The following TTC17 variants were observed in gnomAD, a reference collection of about 807,000 sequenced individuals.
The protein encoded by TTC17 is tetratricopeptide repeat domain 17, also known as tetratricopeptide repeat protein 17.
TTC17 carries 58 observed loss-of-function variants against 143.8 expected under a neutral mutation model. That is an observed-to-expected ratio of 0.40 (90% confidence interval 0.33 to 0.50). TTC17 has a LOEUF of 0.50. Ranked by LOEUF, TTC17 falls within the 20% of genes least tolerant of loss-of-function variation. The probability of loss-of-function intolerance (pLI) is 0.49; values close to 1 mark genes in which losing one functional copy is unlikely to be tolerated. For synonymous variants in TTC17, 501 were observed against 497.8 expected (o/e 1.01, Z -0.09); for missense variants, 1,273 against 1,392.5 (o/e 0.91, Z 1.37).
chr11:43,463,230 A>C (rs2134799208), intron 21 of TTC17, among the ~76,000 whole-genome samples: 1 of 152,202 alleles, frequency 6.6e-6, no homozygotes, highest in East Asian at 1.9e-4. Flanking sequence ...TCATTCTTTT[A>C]CATGCACAAG....
intron 12 of TTC17, 55 bp from the exon 13 acceptor site, chr11:43,405,731 C>T (rs1217145410): frequency 4.3e-6 from 7 of 1,612,166 alleles, no homozygotes; most frequent in African/African-American, 1.3e-5. Flanking sequence ...AAGTCTTTAT[C>T]TTGAAGTCAC....
chr11:43,451,772 G>A (rs1232144627), intron 21 of TTC17, among the ~76,000 whole-genome samples: 1 of 152,064 alleles, frequency 6.6e-6, no homozygotes, highest in Non-Finnish European at 1.5e-5. Flanking sequence ...GTAAAGAGGA[G>A]GGGTTTTTTA....
Position 43,399,312 on chromosome 11 carries a change from G to A in TTC17, c.1059-576G>A, listed in dbSNP as rs182172492. On this transcript the variant is annotated intron_variant, in intron 8 of 23. Coordinates refer to ENST00000039989, the MANE Select transcript of TTC17 (RefSeq NM_018259.6). ...ATAGAGTTGTTAAATACATAAACTT[G>A]TATATCGTCATGTATTTTTTTATGG... Among the ~76,000 whole-genome samples, 7 of 152,178 alleles carry A rather than the reference G, an allele frequency of 4.6e-5. No homozygotes were observed. In the East Asian group the frequency reaches 1.2e-3, roughly 25 times the overall value.
intron 18 of TTC17, chr11:43,444,624 G>C (rs892456382): frequency 1.3e-5 from 2 of 153,176 alleles, no homozygotes; most frequent in African/African-American, 4.9e-5. Context: ...ATAAGCAGAG[G>C]GTATCAATAT....
intron 16 of TTC17, among the ~76,000 whole-genome samples, chr11:43,416,210 CTG>C (rs570162591): frequency 7.2e-5 from 11 of 151,980 alleles, no homozygotes; most frequent in Non-Finnish European, 1.2e-4. Context: ...TCTCGCAACA[CTG>C]TGGTCTTTTA....
chr11:43,422,865 G>C (rs1946939412), intron 16 of TTC17, among the ~76,000 whole-genome samples: 1 of 152,154 alleles, frequency 6.6e-6, no homozygotes, highest in Non-Finnish European at 1.5e-5. Flanking sequence ...ATGGGATATA[G>C]CTGGAGGGGC....
intron 21 of TTC17, among the ~76,000 whole-genome samples, chr11:43,460,215 C>T (rs1031364066): frequency 2.7e-4 from 41 of 152,050 alleles, no homozygotes; most frequent in Admixed American, 2.4e-3. Context: ...CTAAATTCTG[C>T]TTGAAACTGA....
chr11:43,389,170 A>C (rs1857285950), intron 2 of TTC17, among the ~76,000 whole-genome samples: 1 of 152,038 alleles, frequency 6.6e-6, no homozygotes, highest in Non-Finnish European at 1.5e-5. Flanking sequence ...GGGGGAGATA[A>C]AATATTGGCA....
At chr11:43,484,801 G>A (rs1458919247) in intron 21 of TTC17, among the ~76,000 whole-genome samples, 1 of 152,168 alleles carries the variant, frequency 6.6e-6, no homozygotes, top group East Asian at 1.9e-4. Flanking sequence ...GGCCACGGAT[G>A]GGTACTGGTC....
At position 43,448,036 on chromosome 11, in the gene TTC17, C is replaced by T; in HGVS notation, c.2700C>T (p.Pro900=). 6.2e-7 allele frequency: 1 copy of T among 1,614,112 alleles called. No individual in the cohort carries two copies. The highest frequency in any genetic ancestry group is 8.5e-7 in the Non-Finnish European group (1 of 1,179,982). The change falls in exon 19 of 24, where the codon CCC becomes CCT. Residue 900 remains proline (P), a synonymous_variant. Transcript: ENST00000039989. ...GTGACTACCAGCGTCTGGGATGGCCCAGCCCGGACGAATGCCTCAAACTCC... is the reference window on the plus strand; with the variant it reads ...GTGACTACCAGCGTCTGGGATGGCCTAGCCCGGACGAATGCCTCAAACTCC... ...KKRDYQRLGW[P]SPDECLKLRW...
chr11:43,359,376 C>G, intron 1 of TTC17: 1 of 437,098 alleles, frequency 2.3e-6, no homozygotes, highest in Non-Finnish European at 4.0e-6. Context: ...AAGAGTCGCC[C>G]AGCTGCGGGA....
At chr11:43,391,010 C>T (rs1857364271) in intron 3 of TTC17, among the ~76,000 whole-genome samples, 1 of 152,220 alleles carries the variant, frequency 6.6e-6, no homozygotes, top group Admixed American at 6.5e-5. Flanking sequence ...AAATGTTTGA[C>T]TCTTCATGGC....
chr11:43,414,533 G>A (rs1378863889), intron 15 of TTC17, 57 bp from the exon 16 acceptor site: 2 of 1,548,154 alleles, frequency 1.3e-6, no homozygotes, highest in Admixed American at 2.1e-5. Context: ...TAAACGTTTT[G>A]TAACTCCCAG....
intron 1 of TTC17, among the ~76,000 whole-genome samples, chr11:43,371,000 C>T (rs1046757470): frequency 8.5e-6 from 1 of 117,434 alleles, no homozygotes; most frequent in Admixed American, 1.0e-4. Context: ...TGGGGTTTTG[C>T]TATGTTGTTC....
intron 21 of TTC17, among the ~76,000 whole-genome samples, chr11:43,484,322 G>A (rs1212419253): frequency 1.3e-5 from 2 of 152,106 alleles, no homozygotes; most frequent in African/African-American, 4.8e-5. Flanking sequence ...TTTCTGTACA[G>A]CAGCACAAAA....
At chr11:43,362,152 TGTGTG>T (rs1856137536) in intron 1 of TTC17, among the ~76,000 whole-genome samples, 4 of 12,356 alleles carry the variant, frequency 3.2e-4, no homozygotes, top group Non-Finnish European at 1.6e-4. Context: ...GGCTAATTTG[TGTGTG>T]TGTGTGTGTG....
Position 43,443,330 on chromosome 11 carries a change from G to A in TTC17, c.2257G>A (p.Val753Met). 1.2e-6 allele frequency: 2 copies of A among 1,614,020 alleles called. No individual in the cohort carries two copies. Among genetic ancestry groups the A allele is most frequent in the Non-Finnish European group, 1.7e-6 (2 of 1,179,942 alleles). The stretch of plus-strand genomic sequence containing the variant: ...TGCTGGCCCTTGAATTTCAGGTACG[G>A]TGGTTGAGGAGAGCAATGGTTCTGA... ...NITSSVCSGT[V>M]VEESNGSDEM... Residue 753 changes from valine to methionine, a missense_variant, in exon 17 of 24, where the codon GTG becomes ATG. Physicochemically the swap from Val to Met is conservative, Grantham distance 21. This residue lies in a region of TTC17 where 878 missense variants were observed against 899.8 expected (regional missense o/e 0.98). Transcript: ENST00000039989.
chr11:43,405,570 A>G lies in TTC17; in HGVS notation c.1536A>G (p.Arg512=), dbSNP rs113957246. 1 of 1,614,012 alleles carries G rather than the reference A, an allele frequency of 6.2e-7. No homozygotes were observed. Among genetic ancestry groups the G allele is most frequent in the Non-Finnish European group, 8.5e-7 (1 of 1,179,908 alleles). ...CAGATTGTACAGAAAGCTACCCTAG[A>G]GTCCCTGTTGGTGGGGAATTGCCAA... The part of the protein sequence containing the change: ...KRADCTESYP[R]VPVGGELPTY... Residue 512 remains arginine, a synonymous_variant, in exon 12 of 24, where the codon AGA becomes AGG. Coordinates refer to ENST00000039989, the MANE Select transcript of TTC17 (RefSeq NM_018259.6).
At chr11:43,458,630 C>G (rs1030778153) in intron 21 of TTC17, among the ~76,000 whole-genome samples, 6 of 152,108 alleles carry the variant, frequency 3.9e-5, no homozygotes, top group Non-Finnish European at 8.8e-5. Flanking sequence ...CTCCGACATG[C>G]AAAATGACAC....
Sources: allele counts gnomAD v4.1 joint callset (sites outside exome capture counted in the v4.1 genomes callset), GRCh38; gene constraint gnomAD v4.1.1; regional missense constraint gnomAD v4.1.1; transcripts MANE v1.5; gene names NCBI Gene and HGNC (gene_info 2026-07-23, HGNC 2026-07-21).